Variants in RALY observed in about 807,000 individuals in gnomAD.
RALY encodes RNA-binding protein Raly.
A neutral mutation model predicts 30.7 loss-of-function variants in RALY; 15 were observed. That is an observed-to-expected ratio of 0.49 (90% CI 0.33 to 0.75). The LOEUF (loss-of-function observed/expected upper bound fraction) is 0.75, where lower values mean the gene tolerates loss of function less well. RALY is among the 30% of genes least tolerant of loss of function. The pLI, the probability that RALY is intolerant of heterozygous loss-of-function variation, is 0.02. For missense variants in RALY, 339 were observed against 414.3 expected (o/e 0.82, Z 1.58); for synonymous variants, 177 against 170.8 (o/e 1.04, Z -0.28).
At chr20:34,060,505 C>G (rs1319577076) in intron 2 of RALY, among the ~76,000 whole-genome samples, 1 of 152,222 alleles carries the variant, frequency 6.6e-6, no homozygotes, top group African/African-American at 2.4e-5. Context: ...GTGCTGGACA[C>G]TATTCTGAAT....
At chr20:34,073,986 G>A (rs1260017663) in intron 5 of RALY, 120 bp downstream of exon 5, 1 of 1,158,084 alleles carries the variant, frequency 8.6e-7, no homozygotes, top group Non-Finnish European at 1.2e-6. Flanking sequence ...GTTTGCCTGG[G>A]GTTGCTCCAC....
intron 1 of RALY, among the ~76,000 whole-genome samples, chr20:34,025,601 G>A (rs866791304): frequency 6.6e-6 from 1 of 151,830 alleles, no homozygotes; most frequent in Non-Finnish European, 1.5e-5. Flanking sequence ...ACCTCACCTG[G>A]CCCAACACCT....
At position 34,066,173 on chromosome 20, in the gene RALY, T is replaced by C. The variant is rs1029073350; in HGVS notation, c.-9-5893T>C. Among the ~76,000 whole-genome samples, 557 of 151,190 alleles carry C rather than the reference T, an allele frequency of 3.7e-3. 3 individuals carry two copies. The highest frequency in any genetic ancestry group is 0.013 in the African/African-American group (531 of 41,088). On this transcript the variant is annotated intron_variant, in intron 2 of 9. Transcript: ENST00000246194. Reference sequence around the variant, plus strand: ...TCACTTATCTTTGCTGATCCTCTTTTTTTTTTTTTTTTTTTCATTTATAAA... The same window carrying C: ...TCACTTATCTTTGCTGATCCTCTTTCTTTTTTTTTTTTTTTCATTTATAAA...
chr20:33,999,436 C>A lies in RALY; in HGVS notation c.-93+5305C>A, dbSNP rs1434803773. ...ACAACTGGTCATGTTCCTGGCTAAACTGGATGATGCAAACATTAGTTTAGG... is the reference window on the plus strand; with the variant it reads ...ACAACTGGTCATGTTCCTGGCTAAAATGGATGATGCAAACATTAGTTTAGG... On this transcript the variant is annotated intron_variant, in intron 1 of 9. Coordinates refer to ENST00000246194, the MANE Select transcript of RALY (RefSeq NM_016732.3). Among the ~76,000 whole-genome samples, 3 of 152,086 alleles carry A rather than the reference C, an allele frequency of 2.0e-5. No homozygotes were observed. In the East Asian group the frequency reaches 5.8e-4, roughly 29 times the overall value.
chr20:34,059,569 A>G (rs775330486), intron 2 of RALY, among the ~76,000 whole-genome samples: 5 of 152,222 alleles, frequency 3.3e-5, no homozygotes, highest in Non-Finnish European at 7.3e-5. Context: ...AGAAAAGTCA[A>G]GTGCCTTTCC....
intron 2 of RALY, among the ~76,000 whole-genome samples, chr20:34,036,289 T>G (rs978063481): frequency 1.3e-5 from 2 of 152,218 alleles, no homozygotes; most frequent in African/African-American, 4.8e-5. Context: ...AAGTTCCCTT[T>G]TATTCCTAGT....
rs2031713732 is a variant in RALY at position 34,018,987 on chromosome 20, A to T, written c.-92-12535A>T. Among the ~76,000 whole-genome samples the T allele has an allele frequency of 2.6e-5, 4 of 152,088 alleles. 1 individual carries two copies. The highest frequency in any genetic ancestry group is 2.6e-4 in the Admixed American group (4 of 15,274). On this transcript the variant is annotated intron_variant, in intron 1 of 9. Transcript: ENST00000246194. The stretch of plus-strand genomic sequence containing the variant: ...GATTGGGGGTCAGTTTAGGGCTAGT[A>T]TTTAGGATACAGTTTGAGCCCAGGG...
In RALY at chr20:34,077,157, C is replaced by T. The variant is rs1306900970; in HGVS notation, c.788C>T (p.Thr263Ile). The stretch of plus-strand genomic sequence containing the variant: ...CCACCAGCCCCCCAAGAGAACACAA[C>T]TTCTGAGGCAGGCCTGCCCCAGGGG... ...SRPPAPQENT[T>I]SEAGLPQGEA... Residue 263 changes from threonine (T) to isoleucine (I), a missense_variant, in exon 8 of 10, where the codon ACT becomes ATT. This residue lies in a region of RALY where 268 missense variants were observed against 280.6 expected (regional missense o/e 0.95). Transcript: ENST00000246194. 5.0e-6 allele frequency: 8 copies of T among 1,613,334 alleles called. No individual in the cohort carries two copies. Among genetic ancestry groups the T allele is most frequent in the Non-Finnish European group, 6.8e-6 (8 of 1,179,910 alleles).
At chr20:34,059,484 C>T (rs1209672489) in intron 2 of RALY, among the ~76,000 whole-genome samples, 1 of 152,162 alleles carries the variant, frequency 6.6e-6, no homozygotes, top group Non-Finnish European at 1.5e-5. Context: ...AGCATGTTAT[C>T]TCCTTTGACC....
rs1264843696 is a variant in RALY at position 34,082,656 on chromosome 20, T to G, written c.*2751T>G. On this transcript the variant is annotated 3_prime_UTR_variant, in exon 10 of 10. Coordinates refer to ENST00000246194, the MANE Select transcript of RALY (RefSeq NM_016732.3). ...GACAGGGAGAACGAGAGTCCCATCC[T>G]GGAACTCCAGAAAAGCCCCTGGATG... 6.6e-6 allele frequency: 1 copy of G among 152,354 alleles called. No homozygotes were observed. Among genetic ancestry groups the G allele is most frequent in the East Asian group, 1.9e-4 (1 of 5,194 alleles). 9.4% of individuals were successfully genotyped at this position (152,354 alleles called of 1,614,324 possible). A position where few individuals can be genotyped will look rare whatever the true frequency, so the allele number is the denominator to read the frequency against.
chr20:34,012,700 T>C (rs1441473011), intron 1 of RALY, among the ~76,000 whole-genome samples: 1 of 151,144 alleles, frequency 6.6e-6, no homozygotes, highest in African/African-American at 2.4e-5. Flanking sequence ...CTGTCCCCTC[T>C]TCTTCTCCAT....
At chr20:34,070,510 C>T (rs919712148) in intron 2 of RALY, among the ~76,000 whole-genome samples, 7 of 152,022 alleles carry the variant, frequency 4.6e-5, no homozygotes, top group Non-Finnish European at 8.8e-5. Context: ...AAAATTTGAA[C>T]GAGTTAGTAT....
At chr20:34,031,876 G>A (rs2032292573) in intron 2 of RALY, among the ~76,000 whole-genome samples, 1 of 152,168 alleles carries the variant, frequency 6.6e-6, no homozygotes, top group Non-Finnish European at 1.5e-5. Flanking sequence ...GCTGCTTTCT[G>A]CTGGGATGTG....
At chr20:34,029,392 C>T (rs1432878952) in intron 1 of RALY, among the ~76,000 whole-genome samples, 1 of 150,248 alleles carries the variant, frequency 6.7e-6, no homozygotes, top group Non-Finnish European at 1.5e-5. Flanking sequence ...GAGCCAAGAT[C>T]GCGCCAGGAT....
intron 2 of RALY, among the ~76,000 whole-genome samples, chr20:34,042,737 C>T (rs1223845002): frequency 1.3e-5 from 2 of 152,174 alleles, no homozygotes; most frequent in Non-Finnish European, 2.9e-5. Flanking sequence ...GAAAATATAA[C>T]CTTTGGAAAT....
At chr20:34,037,873 G>A (rs1200566124) in intron 2 of RALY, among the ~76,000 whole-genome samples, 1 of 152,182 alleles carries the variant, frequency 6.6e-6, no homozygotes, top group African/African-American at 2.4e-5. Flanking sequence ...CTCATTGTCT[G>A]CCAGTGTAAT....
intron 2 of RALY, among the ~76,000 whole-genome samples, chr20:34,055,542 T>C (rs978319049): frequency 1.3e-5 from 2 of 152,220 alleles, no homozygotes; most frequent in Non-Finnish European, 2.9e-5. Context: ...GAGCCTGTTC[T>C]GATGCCAGTG....
intron 2 of RALY, 122 bp from the exon 3 acceptor site, chr20:34,071,944 T>A: frequency 5.4e-6 from 6 of 1,106,936 alleles, no homozygotes; most frequent in Middle Eastern, 4.5e-4. Context: ...CAGGAACAGG[T>A]AGGCTGGATG....
intron 1 of RALY, among the ~76,000 whole-genome samples, chr20:34,006,314 T>G (rs186645092): frequency 4.0e-4 from 61 of 152,338 alleles, no homozygotes; most frequent in Non-Finnish European, 6.6e-4. Context: ...ATTTTGTCCT[T>G]AAATATTTCA....
Sources: gnomAD v4.1 joint callset for allele counts (sites outside exome capture counted in the v4.1 genomes callset) on GRCh38, gnomAD v4.1.1 for gene constraint, gnomAD v4.1.1 regional missense constraint, MANE v1.5 for transcripts, NCBI Gene and HGNC (gene_info 2026-07-23, HGNC 2026-07-21) for gene names.